GPHN: variants seen among roughly 807,000 people sequenced by gnomAD.
GPHN encodes gephyrin.
A neutral mutation model predicts 95.5 loss-of-function variants in GPHN; 17 were observed. That is an observed-to-expected ratio of 0.18 (90% CI 0.12 to 0.27). GPHN has a LOEUF of 0.27. Ranked by LOEUF, GPHN falls within the 10% of genes least tolerant of loss-of-function variation. The probability of loss-of-function intolerance (pLI) is 1.00; values close to 1 mark genes in which losing one functional copy is unlikely to be tolerated. For synonymous variants in GPHN, 320 were observed against 322.5 expected (o/e 0.99, Z 0.08); for missense variants, 660 against 978.1 (o/e 0.67, Z 4.34).
chr14:67,599,617 T>C, the GPHN span, among the ~76,000 whole-genome samples: 1 of 152,192 alleles, frequency 6.6e-6, no homozygotes, highest in Non-Finnish European at 1.5e-5. Context: ...TAAAGTATTG[T>C]TAGCAGTACT....
At chr14:67,020,697 T>G (rs2073572398) in intron 9 of GPHN, among the ~76,000 whole-genome samples, 1 of 152,164 alleles carries the variant, frequency 6.6e-6, no homozygotes, top group African/African-American at 2.4e-5. Flanking sequence ...TAATATGCTG[T>G]TCCTACATGT....
At chr14:67,048,786 A>G (rs549110878) in intron 10 of GPHN, among the ~76,000 whole-genome samples, 1 of 152,322 alleles carries the variant, frequency 6.6e-6, no homozygotes, top group East Asian at 1.9e-4. Context: ...GAATGCTATG[A>G]TCTTCTCAGT....
chr14:66,669,432 G>A (rs750351660), intron 1 of GPHN, among the ~76,000 whole-genome samples: 9 of 150,842 alleles, frequency 6.0e-5, no homozygotes, highest in Admixed American at 6.6e-5. Flanking sequence ...ATAAATCTTG[G>A]TGTGGATTTC....
At chr14:66,891,528 A>G (rs766870202) in intron 5 of GPHN, among the ~76,000 whole-genome samples, 9 of 152,094 alleles carry the variant, frequency 5.9e-5, no homozygotes, top group Non-Finnish European at 1.3e-4. Flanking sequence ...AAGAGCTGAA[A>G]CTAAAAAACT....
At chr14:67,689,955 A>AG in the GPHN span, 1 of 396,214 alleles carries the variant, frequency 2.5e-6, no homozygotes, top group Non-Finnish European at 4.7e-6. Context: ...AAAAAAAAAA[A>AG]AAGTTAAGTA....
the GPHN span, among the ~76,000 whole-genome samples, chr14:67,638,985 G>A: frequency 6.6e-6 from 1 of 152,236 alleles, no homozygotes; most frequent in Non-Finnish European, 1.5e-5. Flanking sequence ...GTTGGACAAT[G>A]TGGACAGAAT....
At chr14:66,899,860 T>A (rs2065041927) in intron 5 of GPHN, among the ~76,000 whole-genome samples, 1 of 151,920 alleles carries the variant, frequency 6.6e-6, no homozygotes, top group Non-Finnish European at 1.5e-5. Flanking sequence ...CTTTAAACAT[T>A]TCAGAGAATT....
intron 11 of GPHN, among the ~76,000 whole-genome samples, chr14:67,078,344 G>A (rs1003292227): frequency 6.6e-6 from 1 of 152,146 alleles, no homozygotes; most frequent in Non-Finnish European, 1.5e-5. Context: ...ACATTTTTCA[G>A]TAAGCCCTTT....
At chr14:67,727,248 C>A in the GPHN span, 1 of 1,390,024 alleles carries the variant, frequency 7.2e-7, no homozygotes, top group Non-Finnish European at 1.0e-6. Flanking sequence ...TAGAGGTCCA[C>A]AGCAACTTGG....
At chr14:66,957,176 T>C (rs12896246) in intron 8 of GPHN, among the ~76,000 whole-genome samples, 1 of 145,184 alleles carries the variant, frequency 6.9e-6, no homozygotes, top group African/African-American at 2.6e-5. Flanking sequence ...ATTTCTCAAA[T>C]TTCTTTCTTT....
chr14:67,045,797 G>A (rs1290801860), intron 10 of GPHN, among the ~76,000 whole-genome samples: 1 of 148,318 alleles, frequency 6.7e-6, no homozygotes, highest in African/African-American at 2.5e-5. Context: ...CTGTGCATCT[G>A]TCTCTTTCTC....
intron 1 of GPHN, among the ~76,000 whole-genome samples, chr14:66,633,949 TG>T (rs1373719389): frequency 4.0e-5 from 6 of 151,046 alleles, no homozygotes; most frequent in African/African-American, 4.9e-5. Flanking sequence ...GTTTTCTTTC[TG>T]TTTTTTTTTT....
intron 3 of GPHN, among the ~76,000 whole-genome samples, chr14:66,785,146 T>A (rs1161112877): frequency 6.6e-6 from 1 of 152,002 alleles, no homozygotes; most frequent in African/African-American, 2.4e-5. Flanking sequence ...AGCGGGTGGA[T>A]CACCTGAGGT....
intron 1 of GPHN, among the ~76,000 whole-genome samples, chr14:66,631,354 T>G (rs2063801713): frequency 6.6e-6 from 1 of 152,200 alleles, no homozygotes; most frequent in South Asian, 2.1e-4. Context: ...GCCGGCACAG[T>G]CGTCCTTTTT....
chr14:66,767,509 C>T (rs545757762), intron 2 of GPHN, among the ~76,000 whole-genome samples: 2 of 150,410 alleles, frequency 1.3e-5, no homozygotes, highest in Non-Finnish European at 3.0e-5. Flanking sequence ...TGGGATTGAG[C>T]CTAGAGAAGT....
chr14:67,601,535 C>T, the GPHN span, among the ~76,000 whole-genome samples: 1 of 152,150 alleles, frequency 6.6e-6, no homozygotes, highest in African/African-American at 2.4e-5. Context: ...TTACTAAACT[C>T]ATGAGTAATA....
the GPHN span, chr14:67,725,975 G>A: frequency 2.1e-6 from 2 of 957,806 alleles, no homozygotes; most frequent in Non-Finnish European, 3.4e-6. Flanking sequence ...AAGGGAAAGG[G>A]CAATTATGCA....
Position 66,785,001 on chromosome 14 carries a change from ATAAG to A in GPHN, c.201+8483_201+8486del, listed in dbSNP as rs2059721901. On this transcript the variant is annotated intron_variant, in intron 3 of 22. Transcript: ENST00000478722. ...AGAAACTAATTTCAAAAATGATGAC[ATAAG>A]TAGGTAGTAAGCAATAGGATACAGA... Among the ~76,000 whole-genome samples the A allele has an allele frequency of 2.0e-5, 3 of 152,228 alleles. No individual in the cohort carries two copies. The South Asian group carries it at 6.2e-4, about 31-fold the overall frequency.
At chr14:67,693,080 A>G in the GPHN span, 1 of 1,503,408 alleles carries the variant, frequency 6.7e-7, no homozygotes. Context: ...GAGCTCATCA[A>G]TTCTTCATTC....
Sources: allele counts gnomAD v4.1 joint callset (sites outside exome capture counted in the v4.1 genomes callset), GRCh38; gene constraint gnomAD v4.1.1; transcripts MANE v1.5; gene names NCBI Gene and HGNC (gene_info 2026-07-23, HGNC 2026-07-21).